Variants in SESTD1 observed in about 807,000 individuals in gnomAD.
SESTD1 encodes the protein SEC14 and spectrin domain containing 1, also known as SEC14 domain and spectrin repeat-containing protein 1.
SESTD1 carries 43 observed loss-of-function variants against 101.7 expected under a neutral mutation model. That is an observed-to-expected ratio of 0.42 (90% CI 0.33 to 0.55). The LOEUF is 0.55. Among genes scored for constraint, SESTD1 ranks in the 20% least tolerant of loss-of-function variants. The pLI, the probability that SESTD1 is intolerant of heterozygous loss-of-function variation, is 0.07. For missense variants in SESTD1, 647 were observed against 815.1 expected (o/e 0.79, Z 2.51); for synonymous variants, 283 against 286.8 (o/e 0.99, Z 0.13).
At chr2:179,111,719 CTTTTTTT>C (rs572503441) in intron 17 of SESTD1, among the ~76,000 whole-genome samples, 1 of 135,358 alleles carries the variant, frequency 7.4e-6, no homozygotes, top group Non-Finnish European at 1.6e-5. Context: ...CCTCCTGATT[CTTTTTTT>C]TTTTTTTTTT....
chr2:179,159,801 T>A (rs1053652831), intron 5 of SESTD1, among the ~76,000 whole-genome samples: 13 of 152,160 alleles, frequency 8.5e-5, no homozygotes, highest in Non-Finnish European at 1.3e-4. Flanking sequence ...CAGTTTTATC[T>A]TATTGGAAAT....
Position 179,228,241 on chromosome 2 carries a change from ATGTG to A in SESTD1, c.-26+36254_-26+36257del, listed in dbSNP as rs565125375. Among the ~76,000 whole-genome samples the A allele has an allele frequency of 2.0e-3, 301 of 152,246 alleles. 1 individual carries two copies. Among genetic ancestry groups the A allele is most frequent in the African/African-American group, 6.7e-3 (279 of 41,540 alleles). On this transcript the variant is annotated intron_variant, in intron 1 of 17. Coordinates refer to ENST00000428443, the MANE Select transcript of SESTD1 (RefSeq NM_178123.5). ...TGTATGTGTCTGTGTCTGTGCACGC[ATGTG>A]TGTATGTGTGTGTGTTGCAGATGAG...
intron 1 of SESTD1, among the ~76,000 whole-genome samples, chr2:179,219,978 A>G (rs904660745): frequency 6.6e-6 from 1 of 152,210 alleles, no homozygotes; most frequent in Non-Finnish European, 1.5e-5. Flanking sequence ...GAGAAAAGGA[A>G]AAGAAAGCCT....
rs2044430202 is a variant in SESTD1, at chr2:179,108,318, CAAGG to C, written c.*1577_*1580del. ...CAGTTATTTCAGAGGATAGCATCTT[CAAGG>C]AAGGAGACACTGTCTAGGAAAGGTT... On this transcript the variant is annotated 3_prime_UTR_variant, in exon 18 of 18. Coordinates refer to ENST00000428443, the MANE Select transcript of SESTD1 (RefSeq NM_178123.5). 1.3e-5 allele frequency: 2 copies of C among 152,060 alleles called. No homozygotes were observed. Among genetic ancestry groups the C allele is most frequent in the Admixed American group, 6.6e-5 (1 of 15,252 alleles). 9.4% of individuals were successfully genotyped at this position (152,060 alleles called of 1,614,324 possible).
chr2:179,134,396 C>T (rs2045090639), intron 9 of SESTD1, among the ~76,000 whole-genome samples: 1 of 152,126 alleles, frequency 6.6e-6, no homozygotes, highest in African/African-American at 2.4e-5. Flanking sequence ...AATCCTGTTG[C>T]CTGCCTGCCT....
intron 8 of SESTD1, among the ~76,000 whole-genome samples, chr2:179,145,192 T>C (rs1057416333): frequency 6.6e-6 from 1 of 152,208 alleles, no homozygotes; most frequent in African/African-American, 2.4e-5. Flanking sequence ...CAGAATACAT[T>C]TATTTTTTTC....
In SESTD1 at chr2:179,249,878, A is replaced by C. The variant is rs139043016; in HGVS notation, c.-26+14621T>G. Among the ~76,000 whole-genome samples the C allele has an allele frequency of 2.2e-3, 321 of 148,032 alleles. 1 individual carries two copies. Among genetic ancestry groups the C allele is most frequent in the Non-Finnish European group, 4.0e-3 (268 of 67,240 alleles). On this transcript the variant is annotated intron_variant, in intron 1 of 17. Coordinates refer to ENST00000428443, the MANE Select transcript of SESTD1 (RefSeq NM_178123.5). ...CCTACAAATGGTGGTAGAGCAACTGAATATCCACAGGCAAAAAAAAAAAAA... is the reference window on the plus strand; with the variant it reads ...CCTACAAATGGTGGTAGAGCAACTGCATATCCACAGGCAAAAAAAAAAAAA...
intron 1 of SESTD1, among the ~76,000 whole-genome samples, chr2:179,220,268 C>T (rs2046794289): frequency 6.6e-6 from 1 of 152,112 alleles, no homozygotes; most frequent in African/African-American, 2.4e-5. Context: ...TTTGAAGGTC[C>T]AGATTTAAAG....
intron 3 of SESTD1, among the ~76,000 whole-genome samples, chr2:179,176,740 G>A (rs924148353): frequency 2.6e-5 from 4 of 152,056 alleles, no homozygotes; most frequent in Non-Finnish European, 4.4e-5. Context: ...TTTAGGAAAT[G>A]TTCACAATTT....
chr2:179,139,543 CT>C (rs2045230661), intron 9 of SESTD1, among the ~76,000 whole-genome samples: 1 of 152,166 alleles, frequency 6.6e-6, no homozygotes, highest in Non-Finnish European at 1.5e-5. Context: ...ATCATGGACC[CT>C]GTTTCAAGAT....
At chr2:179,148,329 C>A (rs1389156190) in intron 7 of SESTD1, among the ~76,000 whole-genome samples, 1 of 152,166 alleles carries the variant, frequency 6.6e-6, no homozygotes, top group Non-Finnish European at 1.5e-5. Context: ...CAGTAATAAT[C>A]AAGTGGCCTG....
intron 6 of SESTD1, among the ~76,000 whole-genome samples, chr2:179,150,062 CA>C (rs1398632413): frequency 6.6e-6 from 1 of 151,956 alleles, no homozygotes; most frequent in Non-Finnish European, 1.5e-5. Flanking sequence ...TCCATCTCTA[CA>C]AAAAATAAAA....
At chr2:179,186,689 T>A (rs1412865416) in intron 2 of SESTD1, among the ~76,000 whole-genome samples, 1 of 149,384 alleles carries the variant, frequency 6.7e-6, no homozygotes, top group African/African-American at 2.5e-5. Context: ...AGGGAATTTT[T>A]TTTTTTTTTT....
intron 7 of SESTD1, among the ~76,000 whole-genome samples, chr2:179,148,494 T>C (rs1223969012): frequency 1.3e-5 from 2 of 152,210 alleles, no homozygotes; most frequent in African/African-American, 4.8e-5. Context: ...CACTCAACTA[T>C]TACTTCATTG....
chr2:179,153,391 G>A (rs2105452601), intron 5 of SESTD1, among the ~76,000 whole-genome samples: 1 of 152,258 alleles, frequency 6.6e-6, no homozygotes, highest in East Asian at 1.9e-4. Context: ...AGGGAGGAAG[G>A]AAGATGTGGG....
intron 5 of SESTD1, among the ~76,000 whole-genome samples, chr2:179,154,448 A>C (rs756530740): frequency 6.6e-6 from 1 of 152,226 alleles, no homozygotes; most frequent in Non-Finnish European, 1.5e-5. Context: ...TGAAGGAATA[A>C]TAGAACTAGA....
At chr2:179,121,966 A>G in intron 12 of SESTD1, 37 bp from the exon 13 acceptor site, 1 of 1,556,814 alleles carries the variant, frequency 6.4e-7, no homozygotes, top group Non-Finnish European at 8.6e-7. Flanking sequence ...CTCTTACACA[A>G]CTAAGGCGCT....
chr2:179,212,188 C>T lies in SESTD1; in HGVS notation c.-25-20322G>A, dbSNP rs970341391. ...ACATGGAGGGCAAGCCGAAGCAGGGCGGGGAGTTGCTTCACCTAGGAAGCG... is the reference window on the plus strand; with the variant it reads ...ACATGGAGGGCAAGCCGAAGCAGGGTGGGGAGTTGCTTCACCTAGGAAGCG... On this transcript the variant is annotated intron_variant, in intron 1 of 17. Coordinates refer to ENST00000428443, the MANE Select transcript of SESTD1 (RefSeq NM_178123.5). 3.0e-5 allele frequency among the ~76,000 whole-genome samples: 4 copies of T among 133,724 alleles called. 2 individuals carry two copies. The highest frequency in any genetic ancestry group is 1.5e-4 in the Admixed American group (2 of 13,758). 87.7% of individuals were successfully genotyped at this position (133,724 alleles called of 152,430 possible). A position where few individuals can be genotyped will look rare whatever the true frequency, so the allele number is the denominator to read the frequency against.
intron 4 of SESTD1, among the ~76,000 whole-genome samples, chr2:179,174,670 T>C (rs528004446): frequency 1.3e-5 from 2 of 152,316 alleles, no homozygotes; most frequent in Non-Finnish European, 2.9e-5. Context: ...GCGGAGGCTA[T>C]GTCCTTTCTA....
Sources: allele counts gnomAD v4.1 joint callset (sites outside exome capture counted in the v4.1 genomes callset), GRCh38; gene constraint gnomAD v4.1.1; transcripts MANE v1.5; gene names NCBI Gene and HGNC (gene_info 2026-07-23, HGNC 2026-07-21).